NUBPL: variants seen among roughly 807,000 people sequenced by gnomAD.
NUBPL encodes the protein NUBP iron-sulfur cluster assembly factor, mitochondrial.
In NUBPL, 31 loss-of-function variants were observed where a neutral mutation model predicts 45.7. The ratio of observed to expected loss-of-function variants is 0.68; its 90% confidence interval spans 0.51 to 0.92. The LOEUF (loss-of-function observed/expected upper bound fraction) is 0.92, where lower values mean the gene tolerates loss of function less well. NUBPL is among the 40% of genes least tolerant of loss of function. The probability of loss-of-function intolerance (pLI) is 0.00; values close to 1 mark genes in which losing one functional copy is unlikely to be tolerated. For synonymous variants in NUBPL, 144 were observed against 140.9 expected (o/e 1.02, Z -0.15); for missense variants, 401 against 398.7 (o/e 1.01, Z -0.05).
chr14:31,565,557 G>A (rs960895711), intron 3 of NUBPL, among the ~76,000 whole-genome samples: 4 of 152,078 alleles, frequency 2.6e-5, no homozygotes, highest in Non-Finnish European at 5.9e-5. Context: ...CAATGTACAT[G>A]TATGTGTGTG....
At chr14:31,592,980 A>G (rs1265969683) in intron 3 of NUBPL, among the ~76,000 whole-genome samples, 1 of 152,124 alleles carries the variant, frequency 6.6e-6, no homozygotes, top group Non-Finnish European at 1.5e-5. Flanking sequence ...ATACATTTGC[A>G]CTCCATATGT....
intron 4 of NUBPL, among the ~76,000 whole-genome samples, chr14:31,618,463 T>G (rs563699701): frequency 3.3e-5 from 5 of 152,240 alleles, no homozygotes; most frequent in Non-Finnish European, 7.3e-5. Flanking sequence ...CCAGAGATTC[T>G]GGTATGTTGT....
intron 6 of NUBPL, among the ~76,000 whole-genome samples, chr14:31,763,877 TTAAC>T (rs1430823327): frequency 6.6e-6 from 1 of 152,174 alleles, no homozygotes; most frequent in Non-Finnish European, 1.5e-5. Flanking sequence ...TATAATCTAA[TTAAC>T]AGTCCAACTG....
At chr14:31,852,444 G>A (rs576893533) in intron 10 of NUBPL, among the ~76,000 whole-genome samples, 43 of 152,178 alleles carry the variant, frequency 2.8e-4, no homozygotes, top group Non-Finnish European at 2.8e-4. Flanking sequence ...AGGCTGAGGC[G>A]GGCAGATCAC....
chr14:31,741,957 T>C (rs2038293705), intron 6 of NUBPL, among the ~76,000 whole-genome samples: 1 of 151,988 alleles, frequency 6.6e-6, no homozygotes. Context: ...ATCCCCAAAC[T>C]GATTTTTTAA....
At chr14:31,789,904 CTT>C (rs1246008392) in intron 7 of NUBPL, among the ~76,000 whole-genome samples, 4 of 134,350 alleles carry the variant, frequency 3.0e-5, no homozygotes, top group African/African-American at 8.2e-5. Flanking sequence ...TGTGATTTTT[CTT>C]TTTTTTTTTT....
At chr14:31,835,441 A>T (rs1262551014) in intron 8 of NUBPL, among the ~76,000 whole-genome samples, 1 of 152,158 alleles carries the variant, frequency 6.6e-6, no homozygotes. Flanking sequence ...TCCTTCCATC[A>T]TATAGGGATG....
chr14:31,636,668 C>A (rs1274224061), intron 4 of NUBPL, among the ~76,000 whole-genome samples: 1 of 152,160 alleles, frequency 6.6e-6, no homozygotes, highest in Non-Finnish European at 1.5e-5. Flanking sequence ...AGGAATGGTA[C>A]CAGTTCCTTC....
chr14:31,802,289 T>G (rs918981824), intron 7 of NUBPL, among the ~76,000 whole-genome samples: 2 of 151,954 alleles, frequency 1.3e-5, no homozygotes, highest in Non-Finnish European at 2.9e-5. Context: ...CTTCTTCTTT[T>G]TTTTTTTGAC....
chr14:31,706,658 G>A (rs1405832959), intron 6 of NUBPL, among the ~76,000 whole-genome samples: 3 of 152,212 alleles, frequency 2.0e-5, no homozygotes, highest in Admixed American at 1.3e-4. Context: ...TCTCAGCAGC[G>A]AGGAGGTCTA....
At chr14:31,789,870 T>G (rs4981910) in intron 7 of NUBPL, among the ~76,000 whole-genome samples, 50,787 of 151,398 alleles carry the variant, frequency 0.34, 9,665 homozygotes, top group South Asian at 0.43. Flanking sequence ...AAATGATATA[T>G]GAAAATAATT....
chr14:31,825,184 T>C (rs187222819), intron 7 of NUBPL, among the ~76,000 whole-genome samples: 1 of 143,916 alleles, frequency 6.9e-6, no homozygotes, highest in Non-Finnish European at 1.6e-5. Flanking sequence ...CTTTCCACAG[T>C]GTGAGTTTTT....
At chr14:31,761,559 C>G (rs907811012) in intron 6 of NUBPL, among the ~76,000 whole-genome samples, 1 of 152,160 alleles carries the variant, frequency 6.6e-6, no homozygotes, top group Non-Finnish European at 1.5e-5. Context: ...TAGGTACATA[C>G]ATGTATGTGT....
intron 4 of NUBPL, among the ~76,000 whole-genome samples, chr14:31,649,273 A>G (rs1342276494): frequency 6.6e-6 from 1 of 152,198 alleles, no homozygotes; most frequent in Non-Finnish European, 1.5e-5. Context: ...AGAGTTGCTT[A>G]TGTATTTTGG....
At chr14:31,739,852 T>A (rs1449454722) in intron 6 of NUBPL, among the ~76,000 whole-genome samples, 1 of 152,236 alleles carries the variant, frequency 6.6e-6, no homozygotes, top group Non-Finnish European at 1.5e-5. Flanking sequence ...TATGCACTAA[T>A]CTTTTTATTC....
chr14:31,852,096 C>T (rs181698918), intron 10 of NUBPL, among the ~76,000 whole-genome samples: 1 of 152,334 alleles, frequency 6.6e-6, no homozygotes, highest in East Asian at 1.9e-4. Context: ...AAGTTTGCCA[C>T]TTTCGATGTG....
chr14:31,797,695 C>A (rs1291946586), intron 7 of NUBPL, among the ~76,000 whole-genome samples: 1 of 141,966 alleles, frequency 7.0e-6, no homozygotes, highest in Non-Finnish European at 1.5e-5. Flanking sequence ...TCCAACTTGC[C>A]AGTCTGTGTC....
intron 3 of NUBPL, among the ~76,000 whole-genome samples, chr14:31,595,992 C>T (rs1308851336): frequency 2.6e-5 from 4 of 151,218 alleles, no homozygotes; most frequent in Admixed American, 6.6e-5. Context: ...CTGCAAGCTC[C>T]ACCTCCTGGG....
At chr14:31,791,201 C>T (rs988545722) in intron 7 of NUBPL, among the ~76,000 whole-genome samples, 3 of 152,100 alleles carry the variant, frequency 2.0e-5, no homozygotes, top group Non-Finnish European at 4.4e-5. Context: ...TCACTTGAGC[C>T]CTGGAGGTCG....
Sources: allele counts gnomAD v4.1 joint callset (sites outside exome capture counted in the v4.1 genomes callset), GRCh38; gene constraint gnomAD v4.1.1; transcripts MANE v1.5; gene names NCBI Gene and HGNC (gene_info 2026-07-23, HGNC 2026-07-21).